The following ASIC2 variants were observed in gnomAD, a reference collection of about 807,000 sequenced individuals.
The protein encoded by ASIC2 is acid sensing ion channel subunit 2.
ASIC2 carries 25 observed loss-of-function variants against 57.3 expected under a neutral mutation model. That is an observed-to-expected ratio of 0.44 (90% CI 0.32 to 0.61). The LOEUF is 0.61. ASIC2 is among the 20% of genes least tolerant of loss of function. ASIC2 has a pLI of 0.06. For synonymous variants in ASIC2, 319 were observed against 307.5 expected, an observed-to-expected ratio of 1.04 and a Z score of -0.39; for missense variants, 641 against 738.1, an observed-to-expected ratio of 0.87 and a Z score of 1.52.
intron 1 of ASIC2, among the ~76,000 whole-genome samples, chr17:33,959,291 G>A (rs960222152): frequency 3.3e-5 from 5 of 152,060 alleles, no homozygotes; most frequent in African/African-American, 1.2e-4. Context: ...CACATCTGTG[G>A]GTATCTTTAC....
intron 5 of ASIC2, 66 bp downstream of exon 5, chr17:33,025,860 T>C: frequency 6.9e-7 from 1 of 1,451,666 alleles, no homozygotes. Flanking sequence ...CAAACCCAGA[T>C]GATTTCCATG....
At chr17:33,537,800 G>A (rs901320511) in intron 1 of ASIC2, among the ~76,000 whole-genome samples, 4 of 152,198 alleles carry the variant, frequency 2.6e-5, no homozygotes, top group Non-Finnish European at 5.9e-5. Context: ...GGTACCTGGA[G>A]GGAGAGTGTA....
chr17:33,668,622 AG>A (rs111597490), intron 1 of ASIC2, among the ~76,000 whole-genome samples: 10,064 of 152,214 alleles, frequency 0.066, 430 homozygotes, highest in East Asian at 0.21. Flanking sequence ...ACATCTGCAA[AG>A]TCCCTTTTAC....
intron 9 of ASIC2, among the ~76,000 whole-genome samples, chr17:33,014,804 C>T (rs2091797011): frequency 2.0e-5 from 3 of 152,164 alleles, no homozygotes; most frequent in Admixed American, 1.3e-4. Context: ...GCAAGGAGGG[C>T]TCTGGGGGTG....
At chr17:33,044,892 G>T (rs2091946558) in intron 3 of ASIC2, among the ~76,000 whole-genome samples, 1 of 152,212 alleles carries the variant, frequency 6.6e-6, no homozygotes, top group Non-Finnish European at 1.5e-5. Flanking sequence ...ACTTTATGGA[G>T]GGGGTGGTCA....
At chr17:33,420,680 C>A (rs940978846) in intron 1 of ASIC2, among the ~76,000 whole-genome samples, 3 of 152,136 alleles carry the variant, frequency 2.0e-5, no homozygotes, top group Non-Finnish European at 4.4e-5. Flanking sequence ...AGTCCACCCC[C>A]CTCCAAAATA....
chr17:33,225,751 A>G (rs546226703), intron 1 of ASIC2, among the ~76,000 whole-genome samples: 5 of 152,328 alleles, frequency 3.3e-5, no homozygotes, highest in African/African-American at 1.2e-4. Flanking sequence ...TCCTGGGGCT[A>G]AGGCAACACT....
intron 1 of ASIC2, among the ~76,000 whole-genome samples, chr17:33,686,892 G>A (rs908856032): frequency 6.6e-6 from 1 of 152,154 alleles, no homozygotes; most frequent in Admixed American, 6.5e-5. Context: ...GGTGATACCA[G>A]TAGAGTTACA....
chr17:33,648,333 C>T (rs1218182071), intron 1 of ASIC2, among the ~76,000 whole-genome samples: 2 of 152,224 alleles, frequency 1.3e-5, no homozygotes, highest in African/African-American at 2.4e-5. Flanking sequence ...ATTTCTGGTC[C>T]TTTCCAGTGC....
At chr17:33,432,284 G>T (rs1553493) in intron 1 of ASIC2, among the ~76,000 whole-genome samples, 40 of 152,060 alleles carry the variant, frequency 2.6e-4, no homozygotes, top group Admixed American at 2.2e-3. Flanking sequence ...GGGAGGCCCA[G>T]GTGGGAGGAT....
intron 1 of ASIC2, among the ~76,000 whole-genome samples, chr17:33,431,827 TACAG>T (rs139778667): frequency 0.069 from 10,518 of 152,128 alleles, 474 homozygotes; most frequent in Middle Eastern, 0.13. Context: ...GAGAATAAGG[TACAG>T]ACAACTTCTC....
At chr17:33,910,896 G>A (rs964278481) in intron 1 of ASIC2, among the ~76,000 whole-genome samples, 11 of 152,208 alleles carry the variant, frequency 7.2e-5, no homozygotes, top group African/African-American at 2.7e-4. Flanking sequence ...CCAGTGGAGA[G>A]GGAGTGGAGG....
In ASIC2 at chr17:34,043,593, A is replaced by G. The variant is rs543305015; in HGVS notation, c.555+112385T>C. ...TTTGCATGGTCACAATTCTGCAAGG[A>G]TAAGAACTCTGTTAATCCATGCAGA... is the stretch of plus-strand genomic sequence containing the variant. On this transcript the variant is annotated intron_variant, in intron 1 of 9. Transcript: ENST00000359872. Among the ~76,000 whole-genome samples the G allele has an allele frequency of 5.9e-5, 9 of 152,356 alleles. No homozygotes were observed. In the East Asian group the frequency reaches 1.2e-3, roughly 20 times the overall value.
chr17:33,208,517 T>C (rs570419956), intron 1 of ASIC2, among the ~76,000 whole-genome samples: 33 of 152,314 alleles, frequency 2.2e-4, no homozygotes, highest in African/African-American at 7.5e-4. Context: ...CTCAGAGCTT[T>C]GCTTGGCTTA....
intron 1 of ASIC2, among the ~76,000 whole-genome samples, chr17:33,851,033 CTAGTT>C (rs1380713107): frequency 6.6e-6 from 1 of 152,130 alleles, no homozygotes; most frequent in East Asian, 1.9e-4. Flanking sequence ...AGACTTGGTG[CTAGTT>C]TTGTTGCTAC....
At chr17:33,160,607 T>C (rs1018444230) in intron 1 of ASIC2, among the ~76,000 whole-genome samples, 1 of 152,246 alleles carries the variant, frequency 6.6e-6, no homozygotes, top group Non-Finnish European at 1.5e-5. Flanking sequence ...TCCCATTCCA[T>C]TGCAAGTGGC....
chr17:33,722,202 T>C (rs969472593), intron 1 of ASIC2, among the ~76,000 whole-genome samples: 2 of 152,138 alleles, frequency 1.3e-5, no homozygotes, highest in Non-Finnish European at 2.9e-5. Context: ...CGAGATCTCA[T>C]GCTTTTAAAA....
chr17:33,333,311 G>A (rs975630511), intron 1 of ASIC2, among the ~76,000 whole-genome samples: 1 of 152,136 alleles, frequency 6.6e-6, no homozygotes, highest in Non-Finnish European at 1.5e-5. Context: ...GTTCTTATCC[G>A]GGCCTTATTT....
intron 1 of ASIC2, among the ~76,000 whole-genome samples, chr17:33,277,445 A>G (rs1340837257): frequency 1.3e-5 from 2 of 152,198 alleles, no homozygotes; most frequent in Non-Finnish European, 2.9e-5. Flanking sequence ...GAACAATTCA[A>G]TTGGCTTTAC....
Sources: gnomAD v4.1 joint callset for allele counts (sites outside exome capture counted in the v4.1 genomes callset) on GRCh38, gnomAD v4.1.1 for gene constraint, MANE v1.5 for transcripts, NCBI Gene and HGNC (gene_info 2026-07-23, HGNC 2026-07-21) for gene names.